SH3RF3: variants seen among roughly 807,000 people sequenced by gnomAD.
SH3RF3 encodes the protein E3 ubiquitin-protein ligase SH3RF3.
SH3RF3 carries 29 observed loss-of-function variants against 66.3 expected under a neutral mutation model. The ratio of observed to expected loss-of-function variants is 0.44; its 90% CI spans 0.33 to 0.60. The LOEUF is 0.60. Ranked by LOEUF, SH3RF3 falls within the 20% of genes least tolerant of loss-of-function variation. The pLI is 0.04. For synonymous variants in SH3RF3, 583 were observed against 532.0 expected (o/e 1.10, Z -1.32); for missense variants, 1,194 against 1,190.9 (o/e 1.00, Z -0.04).
rs1290547810 is a variant in SH3RF3, at chr2:109,490,740, C to T, written c.2284C>T (p.Pro762Ser). Reference sequence around the variant, plus strand: ...CGCCCTGCTCCAAGGTGCAGTGGGCCCCGAAGTGTCCTCACTGTCCATCCA... The same window carrying T: ...CGCCCTGCTCCAAGGTGCAGTGGGCTCCGAAGTGTCCTCACTGTCCATCCA... ...VDALLQGAVG[P>S]EVSSLSIHGR... The change falls in exon 9 of 10, where the codon CCC (proline) becomes TCC (serine). Residue 762 changes from proline (P) to serine (S), a missense_variant. Transcript: ENST00000309415. 2.6e-6 allele frequency: 4 copies of T among 1,536,390 alleles called. No homozygotes were observed. In the South Asian group the frequency reaches 4.8e-5, roughly 18 times the overall value.
chr2:109,382,975 A>G (rs953862891), intron 3 of SH3RF3, among the ~76,000 whole-genome samples: 6 of 152,228 alleles, frequency 3.9e-5, no homozygotes, highest in Non-Finnish European at 7.3e-5. Flanking sequence ...TCCAATCACA[A>G]CACTCAGGAC....
intron 8 of SH3RF3, among the ~76,000 whole-genome samples, chr2:109,484,278 G>T (rs999707485): frequency 1.3e-5 from 2 of 152,028 alleles, no homozygotes; most frequent in Non-Finnish European, 2.9e-5. Context: ...TGTTGGCCAG[G>T]CTGGTCTCGA....
At chr2:109,248,530 G>GT (rs1558980411) in intron 1 of SH3RF3, among the ~76,000 whole-genome samples, 1 of 152,218 alleles carries the variant, frequency 6.6e-6, no homozygotes, top group South Asian at 2.1e-4. Context: ...TTAAATGGAT[G>GT]TTACTACCCT....
At chr2:109,269,165 G>C (rs975250261) in intron 1 of SH3RF3, among the ~76,000 whole-genome samples, 4 of 152,242 alleles carry the variant, frequency 2.6e-5, no homozygotes, top group African/African-American at 9.6e-5. Context: ...TTCCCTGGGG[G>C]AGAGGGACCA....
At chr2:109,312,542 T>A (rs1156390518) in intron 1 of SH3RF3, among the ~76,000 whole-genome samples, 1 of 152,138 alleles carries the variant, frequency 6.6e-6, no homozygotes, top group Admixed American at 6.5e-5. Flanking sequence ...GGGCCCCTTC[T>A]TCCTGGCCCC....
At chr2:109,375,775 G>T (rs995535008) in intron 3 of SH3RF3, among the ~76,000 whole-genome samples, 1 of 152,248 alleles carries the variant, frequency 6.6e-6, no homozygotes, top group Non-Finnish European at 1.5e-5. Context: ...AAGTTGACCT[G>T]CTTGGGGTCA....
At chr2:109,166,066 T>C (rs1032803376) in intron 1 of SH3RF3, among the ~76,000 whole-genome samples, 1 of 152,212 alleles carries the variant, frequency 6.6e-6, no homozygotes, top group Non-Finnish European at 1.5e-5. Flanking sequence ...ACTGGAGAGC[T>C]GTGGCACCTT....
intron 3 of SH3RF3, among the ~76,000 whole-genome samples, chr2:109,386,286 G>A (rs900584455): frequency 6.6e-6 from 1 of 152,192 alleles, no homozygotes; most frequent in Admixed American, 6.5e-5. Context: ...CGTTAGAGAC[G>A]CATATGGAGC....
At chr2:109,136,097 A>C (rs1262568215) in intron 1 of SH3RF3, among the ~76,000 whole-genome samples, 2 of 152,080 alleles carry the variant, frequency 1.3e-5, no homozygotes, top group Non-Finnish European at 2.9e-5. Flanking sequence ...GGCTTTTGAG[A>C]GCCTGCCTGC....
At chr2:109,452,966 G>C (rs1178038067) in intron 8 of SH3RF3, among the ~76,000 whole-genome samples, 1 of 150,984 alleles carries the variant, frequency 6.6e-6, no homozygotes, top group South Asian at 2.1e-4. Flanking sequence ...TCCCTGGGAG[G>C]CTGGTCCCTG....
chr2:109,169,286 A>G (rs1160261866), intron 1 of SH3RF3, among the ~76,000 whole-genome samples: 2 of 152,038 alleles, frequency 1.3e-5, no homozygotes, highest in Non-Finnish European at 2.9e-5. Context: ...AGAGGCGGGT[A>G]TATTATTTTT....
At chr2:109,499,463 C>T (rs1443792666) in intron 9 of SH3RF3, among the ~76,000 whole-genome samples, 1 of 152,208 alleles carries the variant, frequency 6.6e-6, no homozygotes, top group East Asian at 1.9e-4. Context: ...TTCTCTCAGC[C>T]CTTACTGCAC....
intron 1 of SH3RF3, among the ~76,000 whole-genome samples, chr2:109,159,506 A>C (rs1677434186): frequency 6.6e-6 from 1 of 152,184 alleles, no homozygotes; most frequent in South Asian, 2.1e-4. Flanking sequence ...CTTGTTAATG[A>C]GCTTTCCTTG....
chr2:109,249,195 G>C (rs41338747), intron 1 of SH3RF3, among the ~76,000 whole-genome samples: 1,574 of 152,260 alleles, frequency 0.01, 31 homozygotes, highest in African/African-American at 0.036. Flanking sequence ...AACTACACTC[G>C]TTAACTTCAG....
intron 1 of SH3RF3, among the ~76,000 whole-genome samples, chr2:109,277,147 C>T (rs759949147): frequency 6.6e-6 from 1 of 152,160 alleles, no homozygotes; most frequent in Non-Finnish European, 1.5e-5. Context: ...GGTGGCAGGT[C>T]AGCCTTCTGT....
chr2:109,297,492 C>T (rs1681343228), intron 1 of SH3RF3, among the ~76,000 whole-genome samples: 1 of 152,106 alleles, frequency 6.6e-6, no homozygotes, highest in African/African-American at 2.4e-5. Context: ...GTGCTCCCCA[C>T]CAGACCAGTG....
chr2:109,389,539 CA>C (rs1326653580), intron 3 of SH3RF3, among the ~76,000 whole-genome samples: 1 of 152,170 alleles, frequency 6.6e-6, no homozygotes, highest in Non-Finnish European at 1.5e-5. Flanking sequence ...GGTCAGGACC[CA>C]ATCAATGGAT....
chr2:109,449,571 T>C, intron 8 of SH3RF3, 82 bp downstream of exon 8: 2 of 1,493,822 alleles, frequency 1.3e-6, no homozygotes, highest in South Asian at 2.7e-5. Context: ...GCAGTGGCAT[T>C]TGTGCAATTG....
At chr2:109,411,176 A>G (rs935121561) in intron 4 of SH3RF3, among the ~76,000 whole-genome samples, 2 of 152,204 alleles carry the variant, frequency 1.3e-5, no homozygotes, top group Non-Finnish European at 2.9e-5. Context: ...CAACCTCGTT[A>G]TGAATACTTC....
Sources: allele counts gnomAD v4.1 joint callset (sites outside exome capture counted in the v4.1 genomes callset), GRCh38; gene constraint gnomAD v4.1.1; transcripts MANE v1.5; gene names NCBI Gene and HGNC (gene_info 2026-07-23, HGNC 2026-07-21).